The following CRLF1 variants were observed in gnomAD, a reference collection of about 807,000 sequenced individuals.
CRLF1 encodes the protein cytokine receptor-like factor 1.
A neutral mutation model predicts 48.9 loss-of-function variants in CRLF1; 36 were observed. The observed-to-expected ratio is 0.74, with a 90% CI of 0.56 to 0.97. The LOEUF is 0.97. CRLF1 is among the 50% of genes least tolerant of loss of function. The pLI, the probability that CRLF1 is intolerant of heterozygous loss-of-function variation, is 0.00. For missense variants in CRLF1, 534 were observed against 575.1 expected, an observed-to-expected ratio of 0.93 and a Z score of 0.73; for synonymous variants, 256 against 253.4, an observed-to-expected ratio of 1.01 and a Z score of -0.10.
In CRLF1 at chr19:18,593,341, GCAACT is replaced by G. The variant is rs1976080826; in HGVS notation, c.*220_*224del. On this transcript the variant is annotated 3_prime_UTR_variant, in exon 9 of 9. Transcript: ENST00000392386. Reference sequence around the variant, plus strand: ...CCCCCAGCCCTGGCAGGGGTTCTAGGCAACTCAACCAACCCTCACACACACACACA... The same window carrying G: ...CCCCCAGCCCTGGCAGGGGTTCTAGGCAACCAACCCTCACACACACACACA... The G allele has an allele frequency of 1.7e-6, 1 of 599,090 alleles. No individual in the cohort carries two copies. Among genetic ancestry groups the G allele is most frequent in the Non-Finnish European group, 3.0e-6 (1 of 336,472 alleles). The allele number at this position is 599,090 out of a possible 1,614,324, so 37.1% of individuals were successfully genotyped here. A position where few individuals can be genotyped will look rare whatever the true frequency, so the allele number is the denominator to read the frequency against.
chr19:18,598,463 G>A lies in CRLF1; in HGVS notation c.666C>T (p.Ser222=), dbSNP rs200226757. The A allele has an allele frequency of 1.5e-4, 247 of 1,614,056 alleles. 1 individual carries two copies. The East Asian group carries it at 3.8e-3, about 25-fold the overall frequency. Reference sequence around the variant, plus strand: ...CCAGGATATCCAGCGTGAGTACATCGGAGCGGGCAGAGCCCAGGCGGTTGG... The same window carrying A: ...CCAGGATATCCAGCGTGAGTACATCAGAGCGGGCAGAGCCCAGGCGGTTGG... ...EATNRLGSAR[S]DVLTLDILDV... The change falls in exon 4 of 9, where the codon TCC becomes TCT. Residue 222 remains serine, a synonymous_variant. Coordinates refer to ENST00000392386, the MANE Select transcript of CRLF1 (RefSeq NM_004750.5).
chr19:18,598,986 G>C, intron 2 of CRLF1, 85 bp from the exon 3 acceptor site: 2 of 1,579,824 alleles, frequency 1.3e-6, no homozygotes, highest in Non-Finnish European at 1.7e-6. Context: ...CACCCACCAG[G>C]CCCCCACCTT....
At chr19:18,598,290 G>T (rs1238359444) in intron 4 of CRLF1, 142 bp downstream of exon 4, 7 of 855,150 alleles carry the variant, frequency 8.2e-6, no homozygotes, top group South Asian at 3.4e-5. Flanking sequence ...CCTCTGACCA[G>T]CAGGGACAAC....
rs897219003 is a variant in CRLF1, at chr19:18,593,429, G to T, written c.*137C>A. On this transcript the variant is annotated 3_prime_UTR_variant, in exon 9 of 9. Coordinates refer to ENST00000392386, the MANE Select transcript of CRLF1 (RefSeq NM_004750.5). ...CGTGGGAGTCAGAGCTGTTATGGCCGTTGGAGCTCAGGGGCCACCCCAGCT... is the reference window on the plus strand; with the variant it reads ...CGTGGGAGTCAGAGCTGTTATGGCCTTTGGAGCTCAGGGGCCACCCCAGCT... The T allele has an allele frequency of 7.9e-7, 1 of 1,261,342 alleles. No individual in the cohort carries two copies. The highest frequency in any genetic ancestry group is 2.1e-4 in the Middle Eastern group (1 of 4,680). The allele number at this position is 1,261,342 out of a possible 1,614,324, so 78.1% of individuals were successfully genotyped here.
rs751055366 is a variant in CRLF1, at chr19:18,594,335, T to C, written c.1124A>G (p.Lys375Arg). The change falls in exon 7 of 9, where the codon AAG (lysine) becomes AGG (arginine). Residue 375 changes from lysine (K) to arginine (R), a missense_variant. By Grantham distance (26) the Lys-to-Arg change is conservative. This residue lies in a region of CRLF1 where 528 missense variants were observed against 555.7 expected (regional missense o/e 0.95). Coordinates refer to ENST00000392386, the MANE Select transcript of CRLF1 (RefSeq NM_004750.5). ...RELKQFLGWL[K>R]KHAYCSNLSF... ...GAGGTTGGAGCAGTACGCGTGCTTCTTGAGCCAGCCCAGGAACTGCTTGAG... is the reference window on the plus strand; with the variant it reads ...GAGGTTGGAGCAGTACGCGTGCTTCCTGAGCCAGCCCAGGAACTGCTTGAG... The C allele has an allele frequency of 1.2e-6, 2 of 1,612,336 alleles. No homozygotes were observed. The highest frequency in any genetic ancestry group is 2.2e-5 in the South Asian group (2 of 91,060).
intron 6 of CRLF1, among the ~76,000 whole-genome samples, chr19:18,596,420 G>A (rs1476127288): frequency 3.3e-5 from 5 of 152,138 alleles, no homozygotes; most frequent in Non-Finnish European, 5.9e-5. Context: ...CGTGCCTGTA[G>A]TCCCAGCTAC....
chr19:18,594,643 G>GGGAA (rs1976106554), intron 6 of CRLF1, among the ~76,000 whole-genome samples: 1 of 151,860 alleles, frequency 6.6e-6, no homozygotes, highest in South Asian at 2.1e-4. Flanking sequence ...GGGGGGGAGG[G>GGGAA]GGAAGGAAGG....
At chr19:18,599,944 C>A (rs1342417939) in intron 1 of CRLF1, 98 bp from the exon 2 acceptor site, 1 of 1,255,608 alleles carries the variant, frequency 8.0e-7, no homozygotes, top group East Asian at 2.6e-5. Context: ...CCTGAAAAGA[C>A]GCTGTTAATG....
chr19:18,596,790 C>T lies in CRLF1; in HGVS notation c.856G>A (p.Val286Met), dbSNP rs781318458. Residue 286 changes from valine to methionine, a missense_variant and splice_region_variant, in exon 6 of 9, where the codon GTG becomes ATG. By Grantham distance (21) the Val-to-Met change is conservative. This residue lies in a region of CRLF1 where 528 missense variants were observed against 555.7 expected (regional missense o/e 0.95). Transcript: ENST00000392386. ...YRVEDSVDWK[V>M]VDDVSNQTSC... is the part of the protein sequence containing the mutation. ...GTCTGGTTGCTCACATCGTCCACCA[C>T]CTGGACAGTGAGGACAAGGTCAGAG... 6.8e-6 allele frequency: 11 copies of T among 1,613,920 alleles called. No homozygotes were observed. The South Asian group carries it at 1.1e-4, about 16-fold the overall frequency.
chr19:18,603,163 A>G lies in CRLF1; in HGVS notation c.116-3317T>C, dbSNP rs1486300630. 5.3e-5 allele frequency among the ~76,000 whole-genome samples: 8 copies of G among 152,380 alleles called. No homozygotes were observed. The East Asian group carries it at 1.5e-3, about 29-fold the overall frequency. On this transcript the variant is annotated intron_variant, in intron 1 of 8. Transcript: ENST00000392386. ...GTCCGGATCTGTGGGCACTGGGGTGATGCCCAAGACACACAAAAGTCCTGC... is the reference window on the plus strand; with the variant it reads ...GTCCGGATCTGTGGGCACTGGGGTGGTGCCCAAGACACACAAAAGTCCTGC...
At chr19:18,596,501 C>G in intron 6 of CRLF1, 121 bp downstream of exon 6, 1 of 1,237,362 alleles carries the variant, frequency 8.1e-7, no homozygotes, top group Non-Finnish European at 1.1e-6. Flanking sequence ...GATCACACCA[C>G]TATGCGACAG....
intron 1 of CRLF1, 26 bp from the exon 2 acceptor site, chr19:18,599,872 A>T (rs1461046157): frequency 1.3e-6 from 2 of 1,498,148 alleles, no homozygotes; most frequent in Non-Finnish European, 1.8e-6. Context: ...AACACGTGTC[A>T]GGCCAGGGCG....
At chr19:18,596,869 G>A (rs1033536068) in intron 5 of CRLF1, 23 bp downstream of exon 5, 1 of 1,613,830 alleles carries the variant, frequency 6.2e-7, no homozygotes, top group African/African-American at 1.3e-5. Context: ...AACAGGGGCG[G>A]AGTCAGGGAA....
At chr19:18,604,182 G>A (rs1478074520) in intron 1 of CRLF1, among the ~76,000 whole-genome samples, 1 of 152,088 alleles carries the variant, frequency 6.6e-6, no homozygotes, top group African/African-American at 2.4e-5. Context: ...GCTGGGGGGC[G>A]CTGCCCCTCT....
intron 6 of CRLF1, among the ~76,000 whole-genome samples, chr19:18,595,446 C>T (rs1976120317): frequency 6.6e-6 from 1 of 152,252 alleles, no homozygotes; most frequent in Non-Finnish European, 1.5e-5. Context: ...GTTTCCCTAT[C>T]ATCTCACGAG....
At chr19:18,597,213 T>A (rs2145330000) in intron 4 of CRLF1, among the ~76,000 whole-genome samples, 164 bp from the exon 5 acceptor site, 1 of 152,038 alleles carries the variant, frequency 6.6e-6, no homozygotes, top group Admixed American at 6.5e-5. Context: ...TATATAATAT[T>A]GGAGAAACAC....
intron 1 of CRLF1, among the ~76,000 whole-genome samples, chr19:18,602,895 G>A (rs973593850): frequency 5.9e-5 from 9 of 151,884 alleles, no homozygotes; most frequent in Non-Finnish European, 4.4e-5. Flanking sequence ...ATTTTTAGGA[G>A]AGACGGAGTT....
chr19:18,593,719 G>C (rs929006499), intron 8 of CRLF1, 140 bp from the exon 9 acceptor site: 2 of 1,515,526 alleles, frequency 1.3e-6, no homozygotes, highest in Non-Finnish European at 1.8e-6. Flanking sequence ...GCCCCTCTCC[G>C]GGCCTTGGCG....
At chr19:18,599,451 G>A in intron 2 of CRLF1, 114 bp downstream of exon 2, 1 of 1,442,384 alleles carries the variant, frequency 6.9e-7, no homozygotes, top group Non-Finnish European at 9.6e-7. Context: ...GCATAGCCAT[G>A]CCAGTGTGCC....
Sources: gnomAD v4.1 joint callset for allele counts (sites outside exome capture counted in the v4.1 genomes callset) on GRCh38, gnomAD v4.1.1 for gene constraint, gnomAD v4.1.1 regional missense constraint, MANE v1.5 for transcripts, NCBI Gene and HGNC (gene_info 2026-07-23, HGNC 2026-07-21) for gene names.